G3BP1: variants seen among roughly 807,000 people sequenced by gnomAD.
G3BP1 encodes the protein G3BP stress granule assembly factor 1.
In G3BP1, 35 loss-of-function variants were observed where a neutral mutation model predicts 58.6. The ratio of observed to expected loss-of-function variants is 0.60; its 90% CI spans 0.46 to 0.79. The LOEUF is 0.79. Among genes scored for constraint, G3BP1 ranks in the 30% least tolerant of loss-of-function variants. G3BP1 has a pLI of 0.00. For missense variants in G3BP1, 523 were observed against 580.8 expected, an observed-to-expected ratio of 0.90 and a Z score of 1.02; for synonymous variants, 191 against 195.4, an observed-to-expected ratio of 0.98 and a Z score of 0.19.
intron 11 of G3BP1, among the ~76,000 whole-genome samples, chr5:151,803,616 C>T (rs1052589081): frequency 5.9e-5 from 9 of 152,100 alleles, no homozygotes; most frequent in African/African-American, 2.2e-4. Context: ...CCTCAGCCTC[C>T]TTGAATAGCT....
At chr5:151,799,552 G>T (rs1396001309) in intron 8 of G3BP1, among the ~76,000 whole-genome samples, 3 of 152,058 alleles carry the variant, frequency 2.0e-5, no homozygotes, top group African/African-American at 7.3e-5. Flanking sequence ...GGGCCTTGTG[G>T]CATGCATCTG....
At chr5:151,786,893 A>C (rs1762562683) in intron 2 of G3BP1, 178 bp downstream of exon 2, 2 of 524,870 alleles carry the variant, frequency 3.8e-6, no homozygotes, top group Non-Finnish European at 6.9e-6. Flanking sequence ...TCCAGACTGG[A>C]GTGCAGTGGT....
intron 5 of G3BP1, among the ~76,000 whole-genome samples, 194 bp from the exon 6 acceptor site, chr5:151,795,285 A>G (rs958855639): frequency 1.3e-5 from 2 of 152,206 alleles, no homozygotes; most frequent in Non-Finnish European, 2.9e-5. Context: ...CTCAAAAAAC[A>G]AAAAACAAAA....
At chr5:151,780,010 T>C (rs1762439033) in intron 1 of G3BP1, among the ~76,000 whole-genome samples, 1 of 152,234 alleles carries the variant, frequency 6.6e-6, no homozygotes, top group South Asian at 2.1e-4. Context: ...TTGATTTTAT[T>C]AGATAGTGCA....
intron 4 of G3BP1, among the ~76,000 whole-genome samples, chr5:151,792,414 G>A (rs1229249703): frequency 6.6e-6 from 1 of 152,176 alleles, no homozygotes; most frequent in Admixed American, 6.5e-5. Context: ...TTTAGAGGAA[G>A]GCTTAGATTA....
In G3BP1 at chr5:151,805,848, T is replaced by A. The variant is rs940048434; in HGVS notation, c.*1757T>A. 7.9e-5 allele frequency: 12 copies of A among 152,254 alleles called. No individual in the cohort carries two copies. Among genetic ancestry groups the A allele is most frequent in the African/African-American group, 2.9e-4 (12 of 41,526 alleles). 9.4% of individuals were successfully genotyped at this position (152,254 alleles called of 1,614,324 possible). On this transcript the variant is annotated 3_prime_UTR_variant, in exon 12 of 12. Coordinates refer to ENST00000356245, the MANE Select transcript of G3BP1 (RefSeq NM_005754.3). ...GGTGGAAAGAAAAGTTTAGTCTGAG[T>A]CACTTTGGAAAAAAAAATTACTTTG... is the stretch of plus-strand genomic sequence containing the variant.
At chr5:151,776,440 T>C (rs1425608856) in intron 1 of G3BP1, among the ~76,000 whole-genome samples, 1 of 152,182 alleles carries the variant, frequency 6.6e-6, no homozygotes, top group Non-Finnish European at 1.5e-5. Flanking sequence ...TTTGTGGAAG[T>C]ATATTAAAGC....
At position 151,799,911 on chromosome 5, in the gene G3BP1, A is replaced by T; in HGVS notation, c.866A>T (p.Glu289Val). ...CAGCCCCGTCCAGAGTCTAAGCCTG[A>T]ATCTCAGATTCCACCACAAAGACCT... ...ASQPRPESKP[E>V]SQIPPQRPQR... Residue 289 changes from glutamate (E) to valine (V), a missense_variant, in exon 9 of 12, where the codon GAA becomes GTA. By Grantham distance (121) the Glu-to-Val change is moderately radical. Transcript: ENST00000356245. The T allele has an allele frequency of 6.2e-7, 1 of 1,611,778 alleles. No individual in the cohort carries two copies. The highest frequency in any genetic ancestry group is 8.5e-7 in the Non-Finnish European group (1 of 1,177,902).
intron 1 of G3BP1, chr5:151,772,344 A>G (rs1762281893): frequency 6.6e-6 from 1 of 151,934 alleles, no homozygotes; most frequent in Non-Finnish European, 1.5e-5. Flanking sequence ...CTCTGGGGCC[A>G]GGGGTCCCGC....
chr5:151,800,665 C>A (rs1209114977), intron 10 of G3BP1, 95 bp from the exon 11 acceptor site: 2 of 782,476 alleles, frequency 2.6e-6, no homozygotes, highest in Non-Finnish European at 4.6e-6. Context: ...GCTCAGTAGT[C>A]ACATGCATCT....
At chr5:151,782,739 A>T (rs1227954279) in intron 1 of G3BP1, among the ~76,000 whole-genome samples, 4 of 151,930 alleles carry the variant, frequency 2.6e-5, no homozygotes, top group Non-Finnish European at 5.9e-5. Context: ...TTGATAATGC[A>T]TACATTTTTT....
At chr5:151,801,023 A>C (rs925644795) in intron 11 of G3BP1, among the ~76,000 whole-genome samples, 154 bp downstream of exon 11, 2 of 152,002 alleles carry the variant, frequency 1.3e-5, no homozygotes, top group Non-Finnish European at 2.9e-5. Flanking sequence ...TTATTAAAAG[A>C]CTTGCCTGGG....
chr5:151,795,416 A>G, intron 5 of G3BP1, 63 bp from the exon 6 acceptor site: 2 of 825,834 alleles, frequency 2.4e-6, no homozygotes, highest in Non-Finnish European at 2.0e-6. Flanking sequence ...GAACATTGCG[A>G]AAGTTAATGT....
In G3BP1 at chr5:151,804,081, C is replaced by T. The variant is rs1402136626; in HGVS notation, c.1391C>T (p.Pro464Leu). 1.9e-6 allele frequency: 3 copies of T among 1,598,952 alleles called. No individual in the cohort carries two copies. The highest frequency in any genetic ancestry group is 2.6e-6 in the Non-Finnish European group (3 of 1,170,942). ...PGFGVGRGLAPRQ is the reference protein window; with the variant it reads ...PGFGVGRGLALRQ ...TTTGGAGTGGGAAGGGGGCTTGCGC[C>T]ACGGCAGTGAATCTTCATGGATCTT... The change falls in exon 12 of 12, where the codon CCA becomes CTA. Residue 464 changes from proline (P) to leucine (L), a missense_variant. Coordinates refer to ENST00000356245, the MANE Select transcript of G3BP1 (RefSeq NM_005754.3).
At chr5:151,798,943 A>G (rs564207573) in intron 7 of G3BP1, among the ~76,000 whole-genome samples, 1 of 152,324 alleles carries the variant, frequency 6.6e-6, no homozygotes. Flanking sequence ...CCTGGGCAAC[A>G]GAGCAAGATT....
Position 151,803,382 on chromosome 5 carries a change from C to T in G3BP1, c.1195-503C>T, listed in dbSNP as rs369528485. Among the ~76,000 whole-genome samples, 24 of 151,624 alleles carry T rather than the reference C, an allele frequency of 1.6e-4. 1 individual carries two copies. The highest frequency in any genetic ancestry group is 7.9e-4 in the Admixed American group (12 of 15,274). ...CACGACCTTGGCTCACCACAACTTC[C>T]GCCACCCGGGTTCAAGTTGCACTCC... is the stretch of plus-strand genomic sequence containing the variant. On this transcript the variant is annotated intron_variant, in intron 11 of 11. Coordinates refer to ENST00000356245, the MANE Select transcript of G3BP1 (RefSeq NM_005754.3).
In G3BP1 at chr5:151,790,392, CTA is replaced by C. The variant is rs1762630463; in HGVS notation, c.166_167del (p.Tyr56ArgfsTer25). On this transcript the variant is annotated frameshift_variant, in exon 3 of 12. Transcript: ENST00000356245. LOFTEE classifies it high-confidence loss of function. ...CAAATGGAAAGCCAGCAGATGCAGT[CTA>C]CGGACAGAAAGTAAGCATTTCAAGC... The part of the protein sequence containing the change: ...DSNGKPADAV[Y>X]GQKEIHRKVM... The C allele has an allele frequency of 6.4e-7, 1 of 1,574,188 alleles. No individual in the cohort carries two copies. Among genetic ancestry groups the C allele is most frequent in the Non-Finnish European group, 8.6e-7 (1 of 1,156,880 alleles).
intron 1 of G3BP1, among the ~76,000 whole-genome samples, chr5:151,784,575 G>T (rs1762527203): frequency 6.6e-6 from 1 of 152,098 alleles, no homozygotes; most frequent in South Asian, 2.1e-4. Context: ...TAATATTTGG[G>T]AAAAAGTTTG....
At chr5:151,789,590 G>C (rs1467445090) in intron 2 of G3BP1, among the ~76,000 whole-genome samples, 1 of 152,230 alleles carries the variant, frequency 6.6e-6, no homozygotes, top group Non-Finnish European at 1.5e-5. Flanking sequence ...CCACTTGCAT[G>C]AACTAGGTGT....
Sources: allele counts gnomAD v4.1 joint callset (sites outside exome capture counted in the v4.1 genomes callset), GRCh38; gene constraint gnomAD v4.1.1; transcripts MANE v1.5; gene names NCBI Gene and HGNC (gene_info 2026-07-23, HGNC 2026-07-21).